Variants in MAP3K4 observed in about 807,000 individuals in gnomAD.
MAP3K4 encodes the protein MAP three kinase 1.
MAP3K4 carries 67 observed loss-of-function variants against 185.6 expected under a neutral mutation model. The ratio of observed to expected loss-of-function variants is 0.36; its 90% CI spans 0.30 to 0.44. MAP3K4 has a LOEUF of 0.44. Ranked by LOEUF, MAP3K4 falls within the 20% of genes least tolerant of loss-of-function variation. MAP3K4 has a pLI of 1.00. For synonymous variants in MAP3K4, 702 were observed against 710.4 expected (o/e 0.99, Z 0.19); for missense variants, 1,551 against 1,995.1 (o/e 0.78, Z 4.24).
At chr6:161,042,908 GCACACACA>G (rs58595402) in intron 2 of MAP3K4, among the ~76,000 whole-genome samples, 11,952 of 149,058 alleles carry the variant, frequency 0.08, 535 homozygotes, top group African/African-American at 0.12. Context: ...ATGAGAATTT[GCACACACA>G]CACACACACA....
chr6:161,115,388 T>C lies in MAP3K4; in HGVS notation c.4806+86T>C. ...AAGACGTTAATGAAATTTTGAAACT[T>C]TAAAGTAGCTATATCTGAAGTGGAA... On this transcript the variant is annotated intron_variant, in intron 26 of 26. Transcript: ENST00000392142. The surrounding 1 kb of genome is among the most constrained non-coding windows in gnomAD (Gnocchi z 6.0). 6.1e-6 allele frequency: 8 copies of C among 1,307,748 alleles called. No homozygotes were observed. The highest frequency in any genetic ancestry group is 7.4e-6 in the Non-Finnish European group (7 of 950,984). 81.0% of individuals were successfully genotyped at this position (1,307,748 alleles called of 1,614,324 possible).
chr6:161,005,323 A>T (rs1781534976), intron 1 of MAP3K4, among the ~76,000 whole-genome samples: 1 of 151,818 alleles, frequency 6.6e-6, no homozygotes, highest in African/African-American at 2.4e-5. Flanking sequence ...AGTTTTTTGT[A>T]GAAATGGGGT....
chr6:161,077,079 C>T lies in MAP3K4; in HGVS notation c.2097+3467C>T, dbSNP rs1785211025. On this transcript the variant is annotated intron_variant, in intron 5 of 26. Transcript: ENST00000392142. This position sits in a 1 kb window ranked among gnomAD's most constrained non-coding sequence, Gnocchi z 4.3. ...ATACATTATAATCCAGTTTAGGTAA[C>T]AGATGAAAAACGTAGACCAAACAAT... Among the ~76,000 whole-genome samples, 1 of 152,062 alleles carries T rather than the reference C, an allele frequency of 6.6e-6. No homozygotes were observed. Among genetic ancestry groups the T allele is most frequent in the Admixed American group, 6.6e-5 (1 of 15,260 alleles).
chr6:161,062,880 G>T (rs553709652), intron 3 of MAP3K4, among the ~76,000 whole-genome samples: 20 of 150,446 alleles, frequency 1.3e-4, no homozygotes, highest in Admixed American at 1.1e-3. Context: ...TTGTTTGTTT[G>T]TCAGTCTGTT....
chr6:161,111,948 G>T lies in MAP3K4; in HGVS notation c.4509G>T (p.Leu1503=), dbSNP rs185265665. ...QTMPGEVNST[L]GTAAYMAPEV... ...TGCCTGGTGAAGTGAACAGCACCCTGGGGACAGCAGGTAGGGACCAGCCTG... is the reference window on the plus strand; with the variant it reads ...TGCCTGGTGAAGTGAACAGCACCCTTGGGACAGCAGGTAGGGACCAGCCTG... The change falls in exon 24 of 27, where the codon CTG becomes CTT. Residue 1503 remains leucine, a synonymous_variant. Transcript: ENST00000392142. 1 of 1,613,826 alleles carries T rather than the reference G, an allele frequency of 6.2e-7. No homozygotes were observed. The highest frequency in any genetic ancestry group is 2.2e-5 in the East Asian group (1 of 44,870).
At position 161,108,314 on chromosome 6, in the gene MAP3K4, G is replaced by C. The variant is rs932371882; in HGVS notation, c.4119+345G>C. Among the ~76,000 whole-genome samples, 6 of 152,228 alleles carry C rather than the reference G, an allele frequency of 3.9e-5. No homozygotes were observed. Among genetic ancestry groups the C allele is most frequent in the African/African-American group, 1.4e-4 (6 of 41,462 alleles). On this transcript the variant is annotated intron_variant, in intron 21 of 26. Transcript: ENST00000392142. The surrounding 1 kb of genome is among the most constrained non-coding windows in gnomAD (Gnocchi z 5.7). Reference sequence around the variant, plus strand: ...GGGGAGAAGATAACATTTATGATAAGCTTCAGAAACAAGTGGCATTGAAAC... The same window carrying C: ...GGGGAGAAGATAACATTTATGATAACCTTCAGAAACAAGTGGCATTGAAAC...
rs558351588 is a variant in MAP3K4 at position 161,080,759 on chromosome 6, C to T, written c.2098-122C>T. On this transcript the variant is annotated intron_variant, in intron 5 of 26. Coordinates refer to ENST00000392142, the MANE Select transcript of MAP3K4 (RefSeq NM_005922.4). This position sits in a 1 kb window ranked among gnomAD's most constrained non-coding sequence, Gnocchi z 4.8. Reference sequence around the variant, plus strand: ...GAGAACCTTGCTTCTGTCGGTGCTGCGTGCCTGTGACAGCCCCCGGCCCGC... The same window carrying T: ...GAGAACCTTGCTTCTGTCGGTGCTGTGTGCCTGTGACAGCCCCCGGCCCGC... The T allele has an allele frequency of 2.4e-5, 18 of 759,332 alleles. No homozygotes were observed. The highest frequency in any genetic ancestry group is 7.2e-5 in the Admixed American group (3 of 41,832). The allele number at this position is 759,332 out of a possible 1,614,324, so 47.0% of individuals were successfully genotyped here.
Position 161,101,343 on chromosome 6 carries a change from G to A in MAP3K4, c.3675-549G>A, listed in dbSNP as rs150217102. Reference sequence around the variant, plus strand: ...TTCCATTTTCTTACTGAGAGATTTGGAATCTTTTGGACCATGAAATGATTT... The same window carrying A: ...TTCCATTTTCTTACTGAGAGATTTGAAATCTTTTGGACCATGAAATGATTT... On this transcript the variant is annotated intron_variant, in intron 17 of 26. Transcript: ENST00000392142. This position sits in a 1 kb window ranked among gnomAD's most constrained non-coding sequence, Gnocchi z 5.1. 6.6e-6 allele frequency: 1 copy of A among 152,016 alleles called. No individual in the cohort carries two copies. The highest frequency in any genetic ancestry group is 1.5e-5 in the Non-Finnish European group (1 of 68,012). 9.4% of individuals were successfully genotyped at this position (152,016 alleles called of 1,614,324 possible).
In MAP3K4 at chr6:161,093,732, A is replaced by G. The variant is rs372869673; in HGVS notation, c.3349-41A>G. 25 of 1,172,160 alleles carry G rather than the reference A, an allele frequency of 2.1e-5. No homozygotes were observed. The highest frequency in any genetic ancestry group is 3.0e-5 in the Non-Finnish European group (24 of 789,070). The allele number at this position is 1,172,160 out of a possible 1,614,324, so 72.6% of individuals were successfully genotyped here. A position where few individuals can be genotyped will look rare whatever the true frequency, so the allele number is the denominator to read the frequency against. ...TACTTACATAATTAAGAAAGTATGC[A>G]TGTTTTCTCTTTACCTTTCCCATTT... is the stretch of plus-strand genomic sequence containing the variant. On this transcript the variant is annotated intron_variant, in intron 14 of 26. Transcript: ENST00000392142. This position sits in a 1 kb window ranked among gnomAD's most constrained non-coding sequence, Gnocchi z 5.2.
Position 161,103,317 on chromosome 6 carries a change from G to A in MAP3K4, c.3856+538G>A, listed in dbSNP as rs1342684879. Among the ~76,000 whole-genome samples, 41 of 152,154 alleles carry A rather than the reference G, an allele frequency of 2.7e-4. No homozygotes were observed. The highest frequency in any genetic ancestry group is 1.5e-5 in the Non-Finnish European group (1 of 68,030). The stretch of plus-strand genomic sequence containing the variant: ...ATTTGGCCAAGGTAGTAAATGAGAG[G>A]GTGAGGACCAGAAGGCACTTGTCTC... On this transcript the variant is annotated intron_variant, in intron 19 of 26. Transcript: ENST00000392142. The surrounding 1 kb of genome is among the most constrained non-coding windows in gnomAD (Gnocchi z 4.6).
At chr6:161,006,504 T>C (rs958397027) in intron 1 of MAP3K4, among the ~76,000 whole-genome samples, 1 of 152,228 alleles carries the variant, frequency 6.6e-6, no homozygotes, top group African/African-American at 2.4e-5. Context: ...AGGATGTGCA[T>C]AGGTTATATG....
Position 161,112,247 on chromosome 6 carries a change from A to G in MAP3K4, c.4519+289A>G, listed in dbSNP as rs1583251257. 6.6e-6 allele frequency among the ~76,000 whole-genome samples: 1 copy of G among 152,082 alleles called. No homozygotes were observed. Among genetic ancestry groups the G allele is most frequent in the African/African-American group, 2.4e-5 (1 of 41,396 alleles). On this transcript the variant is annotated intron_variant, in intron 24 of 26. Transcript: ENST00000392142. This position sits in a 1 kb window ranked among gnomAD's most constrained non-coding sequence, Gnocchi z 5.1. ...TTTTCTTAAAACTTAAAAAATGTAG[A>G]CATTGTTTGTGCTCTGTAATGTGGC...
intron 2 of MAP3K4, among the ~76,000 whole-genome samples, chr6:161,036,110 T>G (rs1395009248): frequency 6.6e-6 from 1 of 152,212 alleles, no homozygotes; most frequent in African/African-American, 2.4e-5. Context: ...AGATGTTTGT[T>G]GAGGTTCTGT....
In MAP3K4 at chr6:161,007,746, A is replaced by G. The variant is rs1781656673; in HGVS notation, c.152+15663A>G. On this transcript the variant is annotated intron_variant, in intron 1 of 26. Coordinates refer to ENST00000392142, the MANE Select transcript of MAP3K4 (RefSeq NM_005922.4). The surrounding 1 kb of genome is among the most constrained non-coding windows in gnomAD (Gnocchi z 4.5). ...CTTTGTTTCTAGTAAGGTCATGCTTATTTAACTTATAGATATTGAGCTTTT... is the reference window on the plus strand; with the variant it reads ...CTTTGTTTCTAGTAAGGTCATGCTTGTTTAACTTATAGATATTGAGCTTTT... Among the ~76,000 whole-genome samples, 1 of 152,170 alleles carries G rather than the reference A, an allele frequency of 6.6e-6. No homozygotes were observed.
chr6:161,027,611 G>A (rs768534506), intron 1 of MAP3K4, among the ~76,000 whole-genome samples: 61 of 152,318 alleles, frequency 4.0e-4, no homozygotes, highest in Non-Finnish European at 7.3e-4. Context: ...CCAGAGAGTT[G>A]ACTCGGAACT....
At chr6:161,069,765 C>CA (rs937610535) in intron 3 of MAP3K4, among the ~76,000 whole-genome samples, 53 of 152,052 alleles carry the variant, frequency 3.5e-4, no homozygotes, top group African/African-American at 1.3e-3. Flanking sequence ...ACTCTGATGG[C>CA]AGGGAGTAGG....
chr6:161,082,311 C>G lies in MAP3K4; in HGVS notation c.2255+1273C>G, dbSNP rs989445463. Among the ~76,000 whole-genome samples the G allele has an allele frequency of 3.3e-5, 5 of 152,092 alleles. No individual in the cohort carries two copies. The highest frequency in any genetic ancestry group is 3.3e-4 in the Admixed American group (5 of 15,270). The stretch of plus-strand genomic sequence containing the variant: ...GCCTAATTCCTTCTGTTTGCATTTT[C>G]TGTTTCCAACCTGTCAAGCTTTGTT... On this transcript the variant is annotated intron_variant, in intron 6 of 26. Coordinates refer to ENST00000392142, the MANE Select transcript of MAP3K4 (RefSeq NM_005922.4). The surrounding 1 kb of genome is among the most constrained non-coding windows in gnomAD (Gnocchi z 4.2).
rs747167074 is a variant in MAP3K4, at chr6:161,048,207, A to G, written c.344-409A>G. 1 of 529,364 alleles carries G rather than the reference A, an allele frequency of 1.9e-6. No homozygotes were observed. The highest frequency in any genetic ancestry group is 3.9e-6 in the Non-Finnish European group (1 of 259,514). The allele number at this position is 529,364 out of a possible 1,614,324, so 32.8% of individuals were successfully genotyped here. A position where few individuals can be genotyped will look rare whatever the true frequency, so the allele number is the denominator to read the frequency against. On this transcript the variant is annotated intron_variant, in intron 2 of 26. Coordinates refer to ENST00000392142, the MANE Select transcript of MAP3K4 (RefSeq NM_005922.4). The surrounding 1 kb of genome is among the most constrained non-coding windows in gnomAD (Gnocchi z 4.7). ...TCCTCTTAAGTTTACACATTTAGCTAATGACAAATGCAGGAATTAAATATA... is the reference window on the plus strand; with the variant it reads ...TCCTCTTAAGTTTACACATTTAGCTGATGACAAATGCAGGAATTAAATATA...
chr6:161,052,689 A>G (rs1321322065), intron 3 of MAP3K4, among the ~76,000 whole-genome samples: 1 of 152,172 alleles, frequency 6.6e-6, no homozygotes, highest in Non-Finnish European at 1.5e-5. Flanking sequence ...TTTTATTTTT[A>G]TTCCCACTTT....
Sources: gnomAD v4.1 joint callset for allele counts (sites outside exome capture counted in the v4.1 genomes callset) on GRCh38, gnomAD v4.1.1 for gene constraint, Gnocchi (gnomAD v3.1) non-coding constraint, MANE v1.5 for transcripts, NCBI Gene and HGNC (gene_info 2026-07-23, HGNC 2026-07-21) for gene names.